Variants in SORCS2 observed in about 807,000 individuals in gnomAD.
The protein encoded by SORCS2 is sortilin related VPS10 domain containing receptor 2.
A neutral mutation model predicts 141.6 loss-of-function variants in SORCS2; 100 were observed. That is an observed-to-expected ratio of 0.71 (90% CI 0.60 to 0.83). The LOEUF (loss-of-function observed/expected upper bound fraction) is 0.83, where lower values mean the gene tolerates loss of function less well. Ranked by LOEUF, SORCS2 falls within the 40% of genes least tolerant of loss-of-function variation. The probability of loss-of-function intolerance (pLI) is 0.00; values close to 1 mark genes in which losing one functional copy is unlikely to be tolerated. For missense variants in SORCS2, 1,646 were observed against 1,560.2 expected (o/e 1.05, Z -0.93); for synonymous variants, 789 against 676.9 (o/e 1.17, Z -2.57).
intron 3 of SORCS2, among the ~76,000 whole-genome samples, chr4:7,599,066 T>G (rs1020734161): frequency 6.6e-6 from 1 of 152,116 alleles, no homozygotes; most frequent in Admixed American, 6.5e-5. Context: ...AGTGGAGCCT[T>G]GTTGAGACCC....
chr4:7,639,568 T>C (rs1020579100), intron 4 of SORCS2, among the ~76,000 whole-genome samples: 1 of 149,672 alleles, frequency 6.7e-6, no homozygotes, highest in Non-Finnish European at 1.5e-5. Flanking sequence ...TGTGGGTGCA[T>C]GTGAATGTGT....
intron 2 of SORCS2, among the ~76,000 whole-genome samples, chr4:7,528,782 A>G (rs781134006): frequency 6.6e-6 from 1 of 151,924 alleles, no homozygotes; most frequent in Non-Finnish European, 1.5e-5. Context: ...CGCAGCTGCC[A>G]TCATAAAGTA....
At chr4:7,494,701 A>G (rs1731508066) in intron 2 of SORCS2, among the ~76,000 whole-genome samples, 1 of 152,266 alleles carries the variant, frequency 6.6e-6, no homozygotes, top group Admixed American at 6.5e-5. Flanking sequence ...CATTCAGTCC[A>G]TGAAACAGGG....
chr4:7,238,067 C>T (rs775839543), intron 1 of SORCS2, among the ~76,000 whole-genome samples: 11 of 152,020 alleles, frequency 7.2e-5, no homozygotes, highest in East Asian at 1.9e-4. Flanking sequence ...ATGTTCTTTC[C>T]GATGCGCTGG....
At chr4:7,659,776 T>C (rs1722032247) in intron 5 of SORCS2, among the ~76,000 whole-genome samples, 1 of 152,204 alleles carries the variant, frequency 6.6e-6, no homozygotes, top group South Asian at 2.1e-4. Flanking sequence ...AGGGCACATG[T>C]AGACTCCAGC....
Position 7,374,951 on chromosome 4 carries a change from G to T in SORCS2, c.481-21337G>T, listed in dbSNP as rs142790710. On this transcript the variant is annotated intron_variant, in intron 1 of 26. Coordinates refer to ENST00000507866, the MANE Select transcript of SORCS2 (RefSeq NM_020777.3). ...CTTTACAGTGGACACTTTGCTGTTGGGGTTGGGATTTTGTTTCAGGCAAAT... is the reference window on the plus strand; with the variant it reads ...CTTTACAGTGGACACTTTGCTGTTGTGGTTGGGATTTTGTTTCAGGCAAAT... Among the ~76,000 whole-genome samples the T allele has an allele frequency of 5.1e-3, 781 of 152,320 alleles. 6 individuals are homozygous for T. Among genetic ancestry groups the T allele is most frequent in the African/African-American group, 0.018 (746 of 41,580 alleles).
intron 4 of SORCS2, among the ~76,000 whole-genome samples, chr4:7,642,477 G>C (rs1478971626): frequency 6.6e-6 from 1 of 152,256 alleles, no homozygotes; most frequent in Non-Finnish European, 1.5e-5. Context: ...CTTAGTTGCA[G>C]TTGTAAAAGG....
intron 10 of SORCS2, among the ~76,000 whole-genome samples, chr4:7,686,525 G>A (rs777099317): frequency 5.3e-5 from 8 of 152,196 alleles, no homozygotes; most frequent in Non-Finnish European, 1.2e-4. Context: ...GGCCCACCTC[G>A]GTCAACACTG....
rs76149144 is a variant in SORCS2 at position 7,235,088 on chromosome 4, C to G, written c.480+41962C>G. 6.3e-3 allele frequency among the ~76,000 whole-genome samples: 958 copies of G among 152,380 alleles called. 9 individuals carry two copies. The highest frequency in any genetic ancestry group is 0.022 in the African/African-American group (904 of 41,592). On this transcript the variant is annotated intron_variant, in intron 1 of 26. Coordinates refer to ENST00000507866, the MANE Select transcript of SORCS2 (RefSeq NM_020777.3). ...GTTGCATCCCGTGAGGGTCTGAACT[C>G]TGTGTCTATCTGGCGTTCTCCAGTG...
At chr4:7,615,931 C>T (rs552733907) in intron 3 of SORCS2, among the ~76,000 whole-genome samples, 1 of 152,154 alleles carries the variant, frequency 6.6e-6, no homozygotes, top group Non-Finnish European at 1.5e-5. Flanking sequence ...TATATATCAA[C>T]CAGTTAGTTT....
intron 2 of SORCS2, among the ~76,000 whole-genome samples, chr4:7,416,690 A>G (rs534545245): frequency 6.6e-6 from 1 of 151,770 alleles, no homozygotes; most frequent in African/African-American, 2.4e-5. Flanking sequence ...TCAGACACGC[A>G]TGCATGCACT....
At chr4:7,358,633 T>C (rs1721403269) in intron 1 of SORCS2, among the ~76,000 whole-genome samples, 1 of 152,232 alleles carries the variant, frequency 6.6e-6, no homozygotes. Context: ...CGTTTCTATT[T>C]GTTAAGTCAC....
chr4:7,437,012 C>T (rs1352805832), intron 2 of SORCS2, among the ~76,000 whole-genome samples: 1 of 152,122 alleles, frequency 6.6e-6, no homozygotes, highest in Non-Finnish European at 1.5e-5. Flanking sequence ...TGTTTTGTTT[C>T]GGGGACTGGG....
intron 3 of SORCS2, among the ~76,000 whole-genome samples, chr4:7,546,487 C>T (rs1312499593): frequency 1.3e-5 from 2 of 152,026 alleles, no homozygotes; most frequent in Non-Finnish European, 2.9e-5. Context: ...GAATCCCCAG[C>T]TGTCTCAGCC....
chr4:7,274,397 C>T (rs1329618790), intron 1 of SORCS2, among the ~76,000 whole-genome samples: 1 of 152,192 alleles, frequency 6.6e-6, no homozygotes, highest in Non-Finnish European at 1.5e-5. Flanking sequence ...GTTTAATTGG[C>T]TCACAGTTTT....
Position 7,249,966 on chromosome 4 carries a change from A to G in SORCS2, c.480+56840A>G, listed in dbSNP as rs111503203. Among the ~76,000 whole-genome samples the G allele has an allele frequency of 1.4e-3, 209 of 152,234 alleles. 2 individuals are homozygous for G. The highest frequency in any genetic ancestry group is 4.9e-3 in the African/African-American group (204 of 41,540). On this transcript the variant is annotated intron_variant, in intron 1 of 26. Transcript: ENST00000507866. ...TCTCTAAGAAAGAGGGGTAGGCTGGACGCGGTGGCTCGTGCTTGTAATCCT... is the reference window on the plus strand; with the variant it reads ...TCTCTAAGAAAGAGGGGTAGGCTGGGCGCGGTGGCTCGTGCTTGTAATCCT...
At chr4:7,457,355 A>G (rs773137105) in intron 2 of SORCS2, among the ~76,000 whole-genome samples, 84 of 152,356 alleles carry the variant, frequency 5.5e-4, no homozygotes, top group Non-Finnish European at 1.1e-3. Flanking sequence ...GAGGGACAAC[A>G]GCACCTGGGC....
chr4:7,196,772 G>T (rs1481857354), intron 1 of SORCS2, among the ~76,000 whole-genome samples: 1 of 152,122 alleles, frequency 6.6e-6, no homozygotes, highest in Non-Finnish European at 1.5e-5. Context: ...CTGCAATCTT[G>T]ATGAACCCGA....
rs565230204 is a variant in SORCS2, at chr4:7,356,427, C to T, written c.481-39861C>T. The stretch of plus-strand genomic sequence containing the variant: ...GGTGAGGGCTCTTTTCCTGGCTTGC[C>T]GATGGCTATCTTCCCACCATATCCT... On this transcript the variant is annotated intron_variant, in intron 1 of 26. Coordinates refer to ENST00000507866, the MANE Select transcript of SORCS2 (RefSeq NM_020777.3). 1.1e-4 allele frequency among the ~76,000 whole-genome samples: 16 copies of T among 152,254 alleles called. No homozygotes were observed. The East Asian group carries it at 1.4e-3, about 13-fold the overall frequency.
Sources: allele counts gnomAD v4.1 joint callset (sites outside exome capture counted in the v4.1 genomes callset), GRCh38; gene constraint gnomAD v4.1.1; transcripts MANE v1.5; gene names NCBI Gene and HGNC (gene_info 2026-07-23, HGNC 2026-07-21).